Variants in ABI3BP observed in about 807,000 individuals in gnomAD.
The protein encoded by ABI3BP is target of Nesh-SH3.
A neutral mutation model predicts 268.6 loss-of-function variants in ABI3BP; 216 were observed. The observed-to-expected ratio is 0.80, with a 90% CI of 0.72 to 0.90. The LOEUF is 0.90. Ranked by LOEUF, ABI3BP falls within the 40% of genes least tolerant of loss-of-function variation. ABI3BP has a pLI of 0.00. For synonymous variants in ABI3BP, 730 were observed against 730.0 expected, an observed-to-expected ratio of 1.00 and a Z score of 0.00; for missense variants, 2,090 against 2,182.4, an observed-to-expected ratio of 0.96 and a Z score of 0.84.
rs2097886069 is a variant in ABI3BP, at chr3:100,812,472, G to T, written c.3416C>A (p.Thr1139Asn). Reference sequence around the variant, plus strand: ...CCATTGGGGAACATTTTTACCTATGGTCTCCTTTGGTGACTCAGTACTAAG... The same window carrying T: ...CCATTGGGGAACATTTTTACCTATGTTCTCCTTTGGTGACTCAGTACTAAG... Reference protein sequence around the residue: ...VTLSTESPKETIAPAKTDYVY... With the variant: ...VTLSTESPKENIAPAKTDYVY... The change falls in exon 46 of 68, where the codon ACC becomes AAC. Residue 1139 changes from threonine (T) to asparagine (N), a missense_variant. Physicochemically the swap from Thr to Asn is moderately conservative, Grantham distance 65. Transcript: ENST00000471714. The T allele has an allele frequency of 1.5e-6, 2 of 1,300,870 alleles. No individual in the cohort carries two copies. The highest frequency in any genetic ancestry group is 5.1e-5 in the South Asian group (2 of 39,114). 80.6% of individuals were successfully genotyped at this position (1,300,870 alleles called of 1,614,324 possible). A position where few individuals can be genotyped will look rare whatever the true frequency, so the allele number is the denominator to read the frequency against.
At position 100,853,532 on chromosome 3, in the gene ABI3BP, T is replaced by C. The variant is rs533845665; in HGVS notation, c.1286-1592A>G. Among the ~76,000 whole-genome samples the C allele has an allele frequency of 4.6e-5, 7 of 152,340 alleles. No individual in the cohort carries two copies. The South Asian group carries it at 1.2e-3, about 27-fold the overall frequency. ...ATGAGTTAATGGCTTTTTATTTCTA[T>C]TGTTGCTTTTGAAAAATGTCATGAC... On this transcript the variant is annotated intron_variant, in intron 14 of 67. Coordinates refer to ENST00000471714, the MANE Select transcript of ABI3BP (RefSeq NM_001375547.2).
In ABI3BP at chr3:100,783,833, C is replaced by G. The variant is rs150971321; in HGVS notation, c.4163-3624G>C. ...TTATTTACAGAAACAGGCAGTGAGCCAGATTTGGCCTGTGGGGCTGTAGTT... is the reference window on the plus strand; with the variant it reads ...TTATTTACAGAAACAGGCAGTGAGCGAGATTTGGCCTGTGGGGCTGTAGTT... On this transcript the variant is annotated intron_variant, in intron 57 of 67. Coordinates refer to ENST00000471714, the MANE Select transcript of ABI3BP (RefSeq NM_001375547.2). Among the ~76,000 whole-genome samples the G allele has an allele frequency of 4.8e-3, 734 of 152,256 alleles. 2 individuals carry two copies. Among genetic ancestry groups the G allele is most frequent in the African/African-American group, 0.017 (689 of 41,544 alleles).
At chr3:100,986,567 A>G (rs928275399) in intron 1 of ABI3BP, among the ~76,000 whole-genome samples, 9 of 152,174 alleles carry the variant, frequency 5.9e-5, no homozygotes, top group African/African-American at 2.2e-4. Flanking sequence ...CCTGGGCTCA[A>G]GTAATTCTCA....
At chr3:100,759,159 C>T (rs888790889) in intron 63 of ABI3BP, among the ~76,000 whole-genome samples, 1 of 151,972 alleles carries the variant, frequency 6.6e-6, no homozygotes, top group Non-Finnish European at 1.5e-5. Context: ...GAAAGTCTAC[C>T]CTATAGCTGT....
intron 56 of ABI3BP, among the ~76,000 whole-genome samples, chr3:100,788,097 G>A (rs2097103390): frequency 6.6e-6 from 1 of 152,122 alleles, no homozygotes; most frequent in African/African-American, 2.4e-5. Flanking sequence ...TTCATTTATA[G>A]GCATTAGATA....
chr3:100,949,631 G>A (rs952345586), intron 1 of ABI3BP, among the ~76,000 whole-genome samples: 2 of 152,100 alleles, frequency 1.3e-5, no homozygotes, highest in Non-Finnish European at 1.5e-5. Context: ...ATCTTATAAA[G>A]TTCGAGCTCA....
chr3:100,850,627 A>G lies in ABI3BP; in HGVS notation c.1426+33T>C, dbSNP rs1006753015. On this transcript the variant is annotated intron_variant, in intron 16 of 67. Coordinates refer to ENST00000471714, the MANE Select transcript of ABI3BP (RefSeq NM_001375547.2). The stretch of plus-strand genomic sequence containing the variant: ...CACATGATTTTTTTTTTTGATGGAA[A>G]ATAAAGTATGATTTTTCTGTTAAAA... 3.9e-6 allele frequency: 6 copies of G among 1,544,140 alleles called. No individual in the cohort carries two copies. In the African/African-American group the frequency reaches 6.9e-5, roughly 18 times the overall value.
intron 1 of ABI3BP, among the ~76,000 whole-genome samples, chr3:100,935,324 T>A (rs975969098): frequency 2.6e-5 from 4 of 152,184 alleles, no homozygotes; most frequent in Non-Finnish European, 4.4e-5. Context: ...TCTGTTCTGT[T>A]CCACTGGTCT....
intron 1 of ABI3BP, among the ~76,000 whole-genome samples, chr3:100,946,368 C>CAAAAA: frequency 1.2e-5 from 1 of 82,586 alleles, no homozygotes; most frequent in Non-Finnish European, 2.4e-5. Flanking sequence ...GACTCTATCT[C>CAAAAA]AAAAAAAAAA....
chr3:100,920,685 T>C (rs2059960565), intron 2 of ABI3BP, among the ~76,000 whole-genome samples: 1 of 152,204 alleles, frequency 6.6e-6, no homozygotes, highest in Non-Finnish European at 1.5e-5. Flanking sequence ...CATCTCAAAG[T>C]GCTGGGATTA....
At chr3:100,977,540 A>G (rs1010190441) in intron 1 of ABI3BP, among the ~76,000 whole-genome samples, 3 of 152,204 alleles carry the variant, frequency 2.0e-5, no homozygotes, top group African/African-American at 4.8e-5. Context: ...TAAGCCCTTC[A>G]CCTTGTGGAC....
chr3:100,812,086 A>T (rs2097874659), intron 46 of ABI3BP, among the ~76,000 whole-genome samples: 2 of 150,014 alleles, frequency 1.3e-5, no homozygotes, highest in Admixed American at 6.7e-5. Flanking sequence ...TTCCATTTTC[A>T]TTTTTTTTTT....
chr3:100,973,747 T>C (rs1197951211), intron 1 of ABI3BP, among the ~76,000 whole-genome samples: 1 of 152,146 alleles, frequency 6.6e-6, no homozygotes, highest in Non-Finnish European at 1.5e-5. Context: ...AAAAACTATA[T>C]GACAGTTCAA....
intron 4 of ABI3BP, among the ~76,000 whole-genome samples, chr3:100,890,695 C>A (rs987507138): frequency 6.6e-6 from 1 of 152,128 alleles, no homozygotes; most frequent in Non-Finnish European, 1.5e-5. Flanking sequence ...TGGCTGACCT[C>A]TTTATTATAG....
intron 57 of ABI3BP, among the ~76,000 whole-genome samples, chr3:100,780,637 T>C (rs1315681323): frequency 6.6e-6 from 1 of 152,144 alleles, no homozygotes; most frequent in African/African-American, 2.4e-5. Flanking sequence ...ACCTTAGAAT[T>C]CCAATGTGTT....
chr3:100,926,277 C>A (rs746436529), intron 2 of ABI3BP, 25 bp downstream of exon 2: 1 of 1,610,628 alleles, frequency 6.2e-7, no homozygotes, highest in Non-Finnish European at 8.5e-7. Flanking sequence ...CCTTTCCTTC[C>A]CAGCCCGATA....
chr3:100,938,173 A>T (rs2067128897), intron 1 of ABI3BP, among the ~76,000 whole-genome samples: 1 of 152,004 alleles, frequency 6.6e-6, no homozygotes, highest in Non-Finnish European at 1.5e-5. Context: ...GAGGGAGAGG[A>T]TCAGAAAAAA....
intron 54 of ABI3BP, 47 bp from the exon 55 acceptor site, chr3:100,792,815 T>C (rs2097236678): frequency 6.5e-7 from 1 of 1,529,196 alleles, no homozygotes; most frequent in Non-Finnish European, 9.0e-7. Flanking sequence ...ATTAACATTA[T>C]GAATATGACC....
intron 14 of ABI3BP, among the ~76,000 whole-genome samples, chr3:100,853,270 G>A (rs1458161262): frequency 6.6e-6 from 1 of 152,182 alleles, no homozygotes; most frequent in Non-Finnish European, 1.5e-5. Flanking sequence ...CACATTCTGA[G>A]AATGCATCTA....
Sources: allele counts gnomAD v4.1 joint callset (sites outside exome capture counted in the v4.1 genomes callset), GRCh38; gene constraint gnomAD v4.1.1; transcripts MANE v1.5; gene names NCBI Gene and HGNC (gene_info 2026-07-23, HGNC 2026-07-21).